The following FNIP2 variants were observed in gnomAD, a reference collection of about 807,000 sequenced individuals.
FNIP2 encodes the protein folliculin interacting protein 2.
In FNIP2, 32 loss-of-function variants were observed where a neutral mutation model predicts 108.7. The observed-to-expected ratio is 0.29, with a 90% CI of 0.22 to 0.40. The LOEUF (loss-of-function observed/expected upper bound fraction) is 0.40, where lower values mean the gene tolerates loss of function less well. Among genes scored for constraint, FNIP2 ranks in the 10% least tolerant of loss-of-function variants. FNIP2 has a pLI of 1.00. For synonymous variants in FNIP2, 480 were observed against 496.7 expected, an observed-to-expected ratio of 0.97 and a Z score of 0.45; for missense variants, 1,202 against 1,381.6, an observed-to-expected ratio of 0.87 and a Z score of 2.06.
intron 14 of FNIP2, chr4:158,871,832 C>G: frequency 2.0e-6 from 2 of 985,272 alleles, no homozygotes; most frequent in Non-Finnish European, 2.4e-6. Context: ...CATCAATGAC[C>G]CCTGTAAGAA....
intron 1 of FNIP2, among the ~76,000 whole-genome samples, chr4:158,811,931 C>G (rs979025231): frequency 6.6e-6 from 1 of 152,178 alleles, no homozygotes; most frequent in African/African-American, 2.4e-5. Context: ...ACAGAGAGAA[C>G]AGGAAGTACA....
intron 7 of FNIP2, 134 bp from the exon 8 acceptor site, chr4:158,851,187 G>A (rs777011292): frequency 1.9e-5 from 19 of 1,018,218 alleles, no homozygotes; most frequent in Non-Finnish European, 2.7e-5. Context: ...GTGGCGAAGT[G>A]TACAGTTTAG....
At chr4:158,857,713 T>G (rs1172594771) in intron 8 of FNIP2, among the ~76,000 whole-genome samples, 1 of 148,136 alleles carries the variant, frequency 6.8e-6, no homozygotes, top group Non-Finnish European at 1.5e-5. Flanking sequence ...GACACTGAGG[T>G]GGAAGGATCA....
intron 1 of FNIP2, among the ~76,000 whole-genome samples, chr4:158,802,245 G>A (rs1000926249): frequency 2.6e-5 from 4 of 152,110 alleles, no homozygotes; most frequent in East Asian, 1.9e-4. Flanking sequence ...ATGGAAGATA[G>A]GGAATTACCC....
intron 1 of FNIP2, among the ~76,000 whole-genome samples, chr4:158,788,367 A>G (rs751673498): frequency 3.9e-5 from 6 of 152,254 alleles, no homozygotes; most frequent in Non-Finnish European, 7.3e-5. Flanking sequence ...TCACTTTGCA[A>G]TATAAGCACT....
At chr4:158,833,976 C>T in intron 6 of FNIP2, 2 of 857,838 alleles carry the variant, frequency 2.3e-6, no homozygotes, top group East Asian at 5.9e-5. Context: ...ACTTGTGCCT[C>T]TCTAGAAATC....
At chr4:158,782,201 G>A (rs949256525) in intron 1 of FNIP2, among the ~76,000 whole-genome samples, 1 of 151,752 alleles carries the variant, frequency 6.6e-6, no homozygotes, top group Non-Finnish European at 1.5e-5. Context: ...TTTAAGTAGT[G>A]GATTGGTGGA....
chr4:158,893,781 A>G (rs1782446837), intron 15 of FNIP2: 11 of 1,146,732 alleles, frequency 9.6e-6, no homozygotes, highest in African/African-American at 3.1e-5. Context: ...CCAAACTTTT[A>G]TATTTCATTC....
intron 1 of FNIP2, among the ~76,000 whole-genome samples, chr4:158,774,981 G>A (rs1325181013): frequency 1.3e-5 from 2 of 152,210 alleles, no homozygotes; most frequent in African/African-American, 4.8e-5. Flanking sequence ...AATGCATGGA[G>A]TATATAGCTC....
rs1281253251 is a variant in FNIP2, at chr4:158,861,705, A to C, written c.1394A>C (p.Glu465Ala). The change falls in exon 12 of 17, where the codon GAG becomes GCG. Residue 465 changes from glutamate to alanine, a missense_variant. By Grantham distance (107) the Glu-to-Ala change is moderately radical. Coordinates refer to ENST00000264433, the MANE Select transcript of FNIP2 (RefSeq NM_020840.3). ...CACCCTCCCATCAAAGCCTTCTCAG[A>C]GAAACGTACCTCCCAGTCAGTGAAC... Reference protein sequence around the residue: ...VDHPPIKAFSEKRTSQSVNML... With the variant: ...VDHPPIKAFSAKRTSQSVNML... 1 of 1,613,900 alleles carries C rather than the reference A, an allele frequency of 6.2e-7. No homozygotes were observed. The highest frequency in any genetic ancestry group is 2.2e-5 in the East Asian group (1 of 44,898).
chr4:158,856,964 A>G (rs1043477866), intron 8 of FNIP2, among the ~76,000 whole-genome samples: 4 of 152,214 alleles, frequency 2.6e-5, no homozygotes, highest in Non-Finnish European at 5.9e-5. Flanking sequence ...ACAGAATGAA[A>G]CTCAGTTGAT....
chr4:158,863,734 G>T (rs1197102689), intron 12 of FNIP2, among the ~76,000 whole-genome samples: 2 of 152,312 alleles, frequency 1.3e-5, no homozygotes, highest in South Asian at 4.1e-4. Flanking sequence ...TGAGGTTGCA[G>T]TATAAAATGT....
At chr4:158,825,018 T>G (rs909283114) in intron 1 of FNIP2, among the ~76,000 whole-genome samples, 2 of 152,204 alleles carry the variant, frequency 1.3e-5, no homozygotes, top group Non-Finnish European at 2.9e-5. Flanking sequence ...CGTCTGTGAT[T>G]ATTTGCCTAA....
At chr4:158,853,742 G>GT (rs953000346) in intron 8 of FNIP2, among the ~76,000 whole-genome samples, 1 of 152,168 alleles carries the variant, frequency 6.6e-6, no homozygotes, top group Non-Finnish European at 1.5e-5. Flanking sequence ...TTGTTAAACA[G>GT]TTTTTTAAAA....
intron 14 of FNIP2, among the ~76,000 whole-genome samples, chr4:158,882,675 T>G (rs1001533553): frequency 6.6e-6 from 1 of 152,234 alleles, no homozygotes; most frequent in Admixed American, 6.5e-5. Flanking sequence ...TGCCTTGGGA[T>G]GCTGTTGATC....
At chr4:158,778,996 T>C (rs997809692) in intron 1 of FNIP2, among the ~76,000 whole-genome samples, 1 of 152,152 alleles carries the variant, frequency 6.6e-6, no homozygotes, top group Non-Finnish European at 1.5e-5. Flanking sequence ...ATAGCGGCTG[T>C]TTAGTGGAGA....
intron 16 of FNIP2, among the ~76,000 whole-genome samples, chr4:158,899,743 T>C (rs950004087): frequency 1.3e-5 from 2 of 152,242 alleles, no homozygotes; most frequent in Non-Finnish European, 2.9e-5. Flanking sequence ...TTCTCTTCTT[T>C]CTTCTTTATT....
chr4:158,867,582 G>C (rs1204533461), intron 12 of FNIP2, among the ~76,000 whole-genome samples: 1 of 152,156 alleles, frequency 6.6e-6, no homozygotes, highest in Non-Finnish European at 1.5e-5. Flanking sequence ...GATTCTACTT[G>C]GTGTGTGTAT....
chr4:158,812,182 C>T (rs774629861), intron 1 of FNIP2, among the ~76,000 whole-genome samples: 3 of 152,132 alleles, frequency 2.0e-5, no homozygotes, highest in Non-Finnish European at 4.4e-5. Flanking sequence ...ATTAAATTCT[C>T]ATTTCTTTCT....
Sources: gnomAD v4.1 joint callset for allele counts (sites outside exome capture counted in the v4.1 genomes callset) on GRCh38, gnomAD v4.1.1 for gene constraint, MANE v1.5 for transcripts, NCBI Gene and HGNC (gene_info 2026-07-23, HGNC 2026-07-21) for gene names.